The following SEMA4D variants were observed in gnomAD, a reference collection of about 807,000 sequenced individuals.
SEMA4D encodes semaphorin 4D.
SEMA4D carries 22 observed loss-of-function variants against 74.8 expected under a neutral mutation model. The ratio of observed to expected loss-of-function variants is 0.29; its 90% CI spans 0.21 to 0.42. The LOEUF is 0.42. Ranked by LOEUF, SEMA4D falls within the 10% of genes least tolerant of loss-of-function variation. SEMA4D has a pLI of 1.00. For synonymous variants in SEMA4D, 445 were observed against 463.7 expected, an observed-to-expected ratio of 0.96 and a Z score of 0.52; for missense variants, 937 against 1,118.4, an observed-to-expected ratio of 0.84 and a Z score of 2.31.
At chr9:89,408,871 A>C (rs2133862067) in intron 2 of SEMA4D, among the ~76,000 whole-genome samples, 1 of 152,366 alleles carries the variant, frequency 6.6e-6, no homozygotes, top group South Asian at 2.1e-4. Context: ...TAAAGCAGAA[A>C]CAACCTCTCT....
intron 2 of SEMA4D, among the ~76,000 whole-genome samples, chr9:89,440,072 C>T (rs556936544): frequency 6.6e-6 from 1 of 152,314 alleles, no homozygotes; most frequent in Non-Finnish European, 1.5e-5. Context: ...AAGGGCAGTC[C>T]ACAGAGAATG....
chr9:89,480,919 A>G (rs1563998879), intron 1 of SEMA4D, among the ~76,000 whole-genome samples: 1 of 152,242 alleles, frequency 6.6e-6, no homozygotes. Flanking sequence ...GTGGGAGCCC[A>G]GGCAGGGGAG....
intron 16 of SEMA4D, chr9:89,365,211 G>A (rs552671114): frequency 6.6e-6 from 1 of 152,566 alleles, no homozygotes; most frequent in Non-Finnish European, 1.5e-5. Flanking sequence ...GTTGAGCTGG[G>A]AGGGCCAGGC....
intron 13 of SEMA4D, among the ~76,000 whole-genome samples, chr9:89,383,866 G>A (rs535537180): frequency 2.6e-5 from 4 of 152,150 alleles, no homozygotes; most frequent in African/African-American, 4.8e-5. Context: ...CCTGCCCCTC[G>A]ACGCCCCCTG....
rs1235676962 is a variant in SEMA4D at position 89,484,554 on chromosome 9, C to T, written c.-310+13365G>A. ...ACTGGGTGTGTGGGGTGGGGAGGTA[C>T]GTGTATGGTGTGTGTATACATGGTG... On this transcript the variant is annotated intron_variant, in intron 1 of 15. Coordinates refer to ENST00000422704, the MANE Select transcript of SEMA4D (RefSeq NM_001371194.2). The surrounding 1 kb of genome is among the most constrained non-coding windows in gnomAD (Gnocchi z 4.1). Among the ~76,000 whole-genome samples the T allele has an allele frequency of 6.8e-6, 1 of 146,394 alleles. No individual in the cohort carries two copies. Among genetic ancestry groups the T allele is most frequent in the African/African-American group, 2.5e-5 (1 of 39,220 alleles).
chr9:89,397,713 C>T (rs1841304611), intron 5 of SEMA4D, among the ~76,000 whole-genome samples: 1 of 152,250 alleles, frequency 6.6e-6, no homozygotes, highest in Admixed American at 6.5e-5. Flanking sequence ...ATTTCCTAAT[C>T]TAACTTTGGA....
In SEMA4D at chr9:89,392,547, CCAG is replaced by C. The variant is rs772548031; in HGVS notation, c.509-14_509-12del. Reference sequence around the variant, plus strand: ...AATAAAGTTCTCCATCTGCAGGGGCCCAGAAGAAAAGAGGAAAAGGGAACCAAC... The same window carrying C: ...AATAAAGTTCTCCATCTGCAGGGGCCAAGAAAAGAGGAAAAGGGAACCAAC... On this transcript the variant is annotated splice_polypyrimidine_tract_variant and intron_variant, in intron 7 of 15. Transcript: ENST00000422704. The C allele has an allele frequency of 1.3e-6, 2 of 1,590,068 alleles. No individual in the cohort carries two copies. Among genetic ancestry groups the C allele is most frequent in the Admixed American group, 1.7e-5 (1 of 59,964 alleles).
intron 13 of SEMA4D, chr9:89,385,608 G>A: frequency 1.0e-6 from 1 of 978,572 alleles, no homozygotes; most frequent in South Asian, 4.7e-5. Flanking sequence ...GAGGGGAGGT[G>A]ACCACGTAAA....
chr9:89,481,429 A>C (rs746434299), intron 1 of SEMA4D, among the ~76,000 whole-genome samples: 15 of 152,326 alleles, frequency 9.8e-5, no homozygotes, highest in Admixed American at 9.8e-4. Flanking sequence ...CACGGAGACA[A>C]GACCTGCCCC....
intron 2 of SEMA4D, among the ~76,000 whole-genome samples, chr9:89,435,051 G>A (rs958724649): frequency 6.6e-6 from 1 of 152,126 alleles, no homozygotes; most frequent in Non-Finnish European, 1.5e-5. Flanking sequence ...CACATCTGAG[G>A]GCTGAGTTGC....
At chr9:89,429,113 C>G (rs1209163968) in intron 2 of SEMA4D, among the ~76,000 whole-genome samples, 1 of 152,216 alleles carries the variant, frequency 6.6e-6, no homozygotes, top group Non-Finnish European at 1.5e-5. Flanking sequence ...TCCCCAAATG[C>G]AGGTTACCCA....
chr9:89,377,160 G>A (rs546315221), downstream of SEMA4D: 161 of 1,434,724 alleles, frequency 1.1e-4, no homozygotes, highest in African/African-American at 1.9e-4. Flanking sequence ...AGAAAAGAGC[G>A]AGCCCAGCTG....
At chr9:89,367,622 G>A (rs1267660490) in intron 16 of SEMA4D, 1 of 152,270 alleles carries the variant, frequency 6.6e-6, no homozygotes, top group East Asian at 1.9e-4. Context: ...TAGGGTAGAG[G>A]TCCTGAGGAC....
At chr9:89,491,863 T>C (rs1274015874) in intron 1 of SEMA4D, among the ~76,000 whole-genome samples, 1 of 152,074 alleles carries the variant, frequency 6.6e-6, no homozygotes, top group Non-Finnish European at 1.5e-5. Flanking sequence ...CATGCATCTG[T>C]GGGCCCCGGG....
At chr9:89,473,685 T>A (rs1861025527) in intron 1 of SEMA4D, among the ~76,000 whole-genome samples, 2 of 151,636 alleles carry the variant, frequency 1.3e-5, no homozygotes, top group Non-Finnish European at 2.9e-5. Flanking sequence ...GGTGAAACCG[T>A]CTCTACTAAA....
In SEMA4D at chr9:89,492,218, C is replaced by T. The variant is rs1004978420; in HGVS notation, c.-310+5701G>A. On this transcript the variant is annotated intron_variant, in intron 1 of 15. Transcript: ENST00000422704. The surrounding 1 kb of genome is among the most constrained non-coding windows in gnomAD (Gnocchi z 4.3). ...ACATGGATAAACCCCAGGTTGTCTT[C>T]GGTTCTCACCTTCGTGACCTCCGCT... Among the ~76,000 whole-genome samples, 114 of 152,252 alleles carry T rather than the reference C, an allele frequency of 7.5e-4. No homozygotes were observed. Among genetic ancestry groups the T allele is most frequent in the Non-Finnish European group, 1.9e-4 (13 of 68,032 alleles).
chr9:89,402,335 A>G (rs1842386521), intron 4 of SEMA4D, among the ~76,000 whole-genome samples: 1 of 152,194 alleles, frequency 6.6e-6, no homozygotes, highest in Non-Finnish European at 1.5e-5. Context: ...ACCAGCTGCA[A>G]TGGATTGGGA....
chr9:89,402,485 G>A (rs1842422949), intron 4 of SEMA4D, among the ~76,000 whole-genome samples: 1 of 152,084 alleles, frequency 6.6e-6, no homozygotes, highest in Non-Finnish European at 1.5e-5. Flanking sequence ...TTATTTGCAC[G>A]ACAAGGGGCC....
intron 1 of SEMA4D, among the ~76,000 whole-genome samples, chr9:89,477,424 A>G (rs1862050589): frequency 6.6e-6 from 1 of 152,204 alleles, no homozygotes; most frequent in African/African-American, 2.4e-5. Context: ...CCTTGACAAG[A>G]GTAATGTACA....
Sources: allele counts gnomAD v4.1 joint callset (sites outside exome capture counted in the v4.1 genomes callset), GRCh38; gene constraint gnomAD v4.1.1; non-coding constraint Gnocchi (gnomAD v3.1); transcripts MANE v1.5; gene names NCBI Gene and HGNC (gene_info 2026-07-23, HGNC 2026-07-21).